The following RBM19 variants were observed in gnomAD, a reference collection of about 807,000 sequenced individuals.
RBM19 encodes probable RNA-binding protein 19.
In RBM19, 94 loss-of-function variants were observed where a neutral mutation model predicts 116.8. That is an observed-to-expected ratio of 0.80 (90% CI 0.68 to 0.95). The LOEUF (loss-of-function observed/expected upper bound fraction) is 0.95, where lower values mean the gene tolerates loss of function less well. RBM19 is among the 40% of genes least tolerant of loss of function. The pLI, the probability that RBM19 is intolerant of heterozygous loss-of-function variation, is 0.00. For synonymous variants in RBM19, 475 were observed against 494.1 expected, an observed-to-expected ratio of 0.96 and a Z score of 0.51; for missense variants, 1,161 against 1,220.7, an observed-to-expected ratio of 0.95 and a Z score of 0.73.
chr12:113,907,794 C>G (rs1882166706), intron 21 of RBM19, among the ~76,000 whole-genome samples: 1 of 152,180 alleles, frequency 6.6e-6, no homozygotes, highest in African/African-American at 2.4e-5. Flanking sequence ...GCAAACTTTT[C>G]CCAGCCAGGG....
chr12:113,927,163 T>G lies in RBM19; in HGVS notation c.2135A>C (p.Lys712Thr). 1 of 1,602,172 alleles carries G rather than the reference T, an allele frequency of 6.2e-7. No homozygotes were observed. Among genetic ancestry groups the G allele is most frequent in the South Asian group, 1.1e-5 (1 of 89,462 alleles). The change falls in exon 17 of 24, where the codon AAG (lysine) becomes ACG (threonine). Residue 712 changes from lysine (K) to threonine (T), a missense_variant. Physicochemically the swap from Lys to Thr is moderately conservative, Grantham distance 78. Transcript: ENST00000261741. ...TEEGADNSSA[K>T]MEEEEEEEEE... Reference sequence around the variant, plus strand: ...CTCTTCCTCCTCCTCCTCTTCCATCTTTGCTGAAGAGTTGTCTGCTCCTTC... The same window carrying G: ...CTCTTCCTCCTCCTCCTCTTCCATCGTTGCTGAAGAGTTGTCTGCTCCTTC...
intron 21 of RBM19, among the ~76,000 whole-genome samples, chr12:113,875,528 T>C (rs149376600): frequency 3.9e-5 from 6 of 152,120 alleles, no homozygotes; most frequent in African/African-American, 9.6e-5. Context: ...AGGCAGAACA[T>C]GTGAGTCAGA....
Position 113,864,123 on chromosome 12 carries a change from G to C in RBM19, c.2559-5227C>G, listed in dbSNP as rs28583297. 6.8e-3 allele frequency among the ~76,000 whole-genome samples: 1,028 copies of C among 152,296 alleles called. 9 individuals carry two copies. The highest frequency in any genetic ancestry group is 0.02 in the African/African-American group (819 of 41,572). ...CAACAGGCGAAGTGACTTGCCCAAG[G>C]TTCCATGGGCAGCATCAGGCTTAGC... On this transcript the variant is annotated intron_variant, in intron 21 of 23. Transcript: ENST00000261741.
chr12:113,824,794 C>T (rs771081887), intron 23 of RBM19, among the ~76,000 whole-genome samples: 6 of 152,068 alleles, frequency 3.9e-5, no homozygotes, highest in African/African-American at 1.2e-4. Context: ...ACATTGAACC[C>T]GTTTCTCATC....
chr12:113,852,923 T>C (rs1283758305), intron 22 of RBM19, among the ~76,000 whole-genome samples: 1 of 152,240 alleles, frequency 6.6e-6, no homozygotes, highest in African/African-American at 2.4e-5. Context: ...GATGGTTTAC[T>C]GTGCACACAA....
intron 23 of RBM19, among the ~76,000 whole-genome samples, chr12:113,830,407 A>G (rs996957836): frequency 2.0e-5 from 3 of 151,986 alleles, no homozygotes; most frequent in African/African-American, 7.2e-5. Context: ...GGGCTCCCTG[A>G]GTGGCTGGAG....
chr12:113,962,554 C>A, intron 1 of RBM19, 140 bp from the exon 2 acceptor site: 1 of 782,008 alleles, frequency 1.3e-6, no homozygotes, highest in Non-Finnish European at 2.0e-6. Context: ...TTTCTAGTTA[C>A]AACAGGTTCC....
At position 113,909,958 on chromosome 12, in the gene RBM19, T is replaced by G. The variant is rs991756526; in HGVS notation, c.2558+5011A>C. On this transcript the variant is annotated intron_variant, in intron 21 of 23. Transcript: ENST00000261741. ...TCCCCATTTTACAGATGAGGAAAAC[T>G]GAGGCCCGGAGAGCTAACATGACAT... Among the ~76,000 whole-genome samples the G allele has an allele frequency of 2.6e-5, 4 of 152,298 alleles. No individual in the cohort carries two copies. The South Asian group carries it at 8.3e-4, about 32-fold the overall frequency.
chr12:113,844,895 T>C, intron 22 of RBM19, 107 bp from the exon 23 acceptor site: 2 of 1,437,632 alleles, frequency 1.4e-6, no homozygotes, highest in South Asian at 1.5e-5. Flanking sequence ...AAAGCCCAGG[T>C]TCTGGCCCCG....
At chr12:113,895,138 T>C (rs1881230520) in intron 21 of RBM19, among the ~76,000 whole-genome samples, 1 of 152,248 alleles carries the variant, frequency 6.6e-6, no homozygotes, top group African/African-American at 2.4e-5. Context: ...AAGATTTCAA[T>C]TACACTCCAT....
chr12:113,910,192 C>T (rs563240574), intron 21 of RBM19, among the ~76,000 whole-genome samples: 2 of 152,276 alleles, frequency 1.3e-5, no homozygotes, highest in South Asian at 4.1e-4. Context: ...CCCATAAACA[C>T]CTCCCTCCTT....
At chr12:113,947,557 A>G in intron 10 of RBM19, 93 bp from the exon 11 acceptor site, 2 of 1,371,462 alleles carry the variant, frequency 1.5e-6, no homozygotes, top group Non-Finnish European at 2.0e-6. Context: ...CCAACCTCAC[A>G]GGTCATGGGT....
At chr12:113,899,081 A>G (rs1187062869) in intron 21 of RBM19, among the ~76,000 whole-genome samples, 1 of 152,228 alleles carries the variant, frequency 6.6e-6, no homozygotes, top group Admixed American at 6.5e-5. Context: ...GGCTCTTTAT[A>G]CCTTGCTCAA....
intron 23 of RBM19, among the ~76,000 whole-genome samples, chr12:113,835,433 G>T (rs1298571008): frequency 1.3e-5 from 2 of 152,176 alleles, no homozygotes; most frequent in Non-Finnish European, 2.9e-5. Flanking sequence ...GCAGGCTGTG[G>T]TACTCGAGGA....
At chr12:113,897,116 G>A (rs539982015) in intron 21 of RBM19, among the ~76,000 whole-genome samples, 2 of 152,178 alleles carry the variant, frequency 1.3e-5, no homozygotes, top group Non-Finnish European at 2.9e-5. Context: ...AATAGACCCG[G>A]CAAGTATTTA....
chr12:113,941,980 C>A (rs932914639), intron 14 of RBM19, among the ~76,000 whole-genome samples: 4 of 152,188 alleles, frequency 2.6e-5, no homozygotes, highest in African/African-American at 9.7e-5. Flanking sequence ...GTGCTGGACT[C>A]TTCCCTGCTA....
intron 21 of RBM19, among the ~76,000 whole-genome samples, chr12:113,893,941 G>C (rs1257633741): frequency 6.6e-6 from 1 of 152,158 alleles, no homozygotes; most frequent in African/African-American, 2.4e-5. Flanking sequence ...TCTAATGGAT[G>C]GTGTTGTCTC....
At chr12:113,896,327 C>T (rs36028683) in intron 21 of RBM19, among the ~76,000 whole-genome samples, 10,095 of 152,224 alleles carry the variant, frequency 0.066, 649 homozygotes, top group East Asian at 0.33. Context: ...CGGAATGCAG[C>T]GGCCCCATCA....
chr12:113,841,161 T>C (rs1876435035), intron 23 of RBM19, among the ~76,000 whole-genome samples: 1 of 152,226 alleles, frequency 6.6e-6, no homozygotes, highest in Non-Finnish European at 1.5e-5. Context: ...ATCTCACCTA[T>C]GCATGTCAGC....
Sources: allele counts gnomAD v4.1 joint callset (sites outside exome capture counted in the v4.1 genomes callset), GRCh38; gene constraint gnomAD v4.1.1; transcripts MANE v1.5; gene names NCBI Gene and HGNC (gene_info 2026-07-23, HGNC 2026-07-21).